Variants in CDYL observed in about 807,000 individuals in gnomAD.
The protein encoded by CDYL is chromodomain Y like.
A neutral mutation model predicts 47.3 loss-of-function variants in CDYL; 8 were observed. That is an observed-to-expected ratio of 0.17 (90% CI 0.10 to 0.31). The LOEUF (loss-of-function observed/expected upper bound fraction) is 0.31. CDYL is among the 10% of genes least tolerant of loss of function. The probability of loss-of-function intolerance (pLI) is 1.00; values close to 1 mark genes in which losing one functional copy is unlikely to be tolerated. For synonymous variants in CDYL, 266 were observed against 265.0 expected, an observed-to-expected ratio of 1.00 and a Z score of -0.04; for missense variants, 471 against 701.4, an observed-to-expected ratio of 0.67 and a Z score of 3.71.
intron 2 of CDYL, among the ~76,000 whole-genome samples, chr6:4,923,741 T>C (rs1402918477): frequency 6.6e-6 from 1 of 151,816 alleles, no homozygotes; most frequent in African/African-American, 2.4e-5. Flanking sequence ...CTAAAAAATA[T>C]TTAAAAAAAA....
chr6:4,825,990 T>C (rs1269448994), intron 1 of CDYL, among the ~76,000 whole-genome samples: 1 of 152,198 alleles, frequency 6.6e-6, no homozygotes, highest in African/African-American at 2.4e-5. Context: ...ACCAAAACCT[T>C]TGGCCTCAGA....
At chr6:4,770,072 C>T (rs111453940) in intron 3 of CDYL, among the ~76,000 whole-genome samples, 12 of 151,970 alleles carry the variant, frequency 7.9e-5, no homozygotes, top group South Asian at 4.2e-4. Flanking sequence ...CTCTTGACCT[C>T]GTGATCCACC....
At chr6:4,719,573 C>T (rs1757331829) in intron 2 of CDYL, among the ~76,000 whole-genome samples, 1 of 152,136 alleles carries the variant, frequency 6.6e-6, no homozygotes. Flanking sequence ...AAAATTATTA[C>T]TCATTTTCAT....
chr6:4,706,731 G>C (rs1473048646), intron 1 of CDYL, among the ~76,000 whole-genome samples: 1 of 152,186 alleles, frequency 6.6e-6, no homozygotes, highest in Non-Finnish European at 1.5e-5. Context: ...AGAGCCTGCA[G>C]TGAGTCGAGA....
At chr6:4,877,059 T>TG (rs1299722348) in intron 1 of CDYL, among the ~76,000 whole-genome samples, 1 of 152,238 alleles carries the variant, frequency 6.6e-6, no homozygotes, top group Non-Finnish European at 1.5e-5. Context: ...CGCCAGACAC[T>TG]GAATCTGCTG....
At chr6:4,937,454 C>T in intron 3 of CDYL, 111 bp from the exon 4 acceptor site, 1 of 783,476 alleles carries the variant, frequency 1.3e-6, no homozygotes, top group South Asian at 2.5e-5. Context: ...CTTGATTAAA[C>T]CACTGCACGC....
At chr6:4,834,375 T>C (rs1271510010) in intron 1 of CDYL, among the ~76,000 whole-genome samples, 1 of 149,298 alleles carries the variant, frequency 6.7e-6, no homozygotes. Context: ...TGAAAATTCT[T>C]TTCTTTAAGA....
chr6:4,823,689 A>G (rs1759902123), intron 1 of CDYL, among the ~76,000 whole-genome samples: 1 of 152,198 alleles, frequency 6.6e-6, no homozygotes, highest in African/African-American at 2.4e-5. Context: ...TGTATCTCCA[A>G]AACTTTTAAA....
At chr6:4,715,648 A>G (rs3812183) in intron 1 of CDYL, 470,354 of 1,244,262 alleles carry the variant, frequency 0.38, 91,097 homozygotes, top group African/African-American at 0.5. Flanking sequence ...CTCAGATTCA[A>G]TGTAGAACTG....
intron 1 of CDYL, among the ~76,000 whole-genome samples, chr6:4,875,469 G>T (rs573543144): frequency 5.3e-5 from 8 of 152,038 alleles, no homozygotes; most frequent in Non-Finnish European, 1.0e-4. Flanking sequence ...CAATTTATAG[G>T]TACTCTTTAA....
At chr6:4,871,987 C>G (rs149135263) in intron 1 of CDYL, among the ~76,000 whole-genome samples, 1 of 152,260 alleles carries the variant, frequency 6.6e-6, no homozygotes, top group African/African-American at 2.4e-5. Context: ...GGGTTTCTGA[C>G]CAGAGCTGTT....
intron 3 of CDYL, among the ~76,000 whole-genome samples, chr6:4,752,354 T>G (rs915302514): frequency 6.6e-6 from 1 of 152,174 alleles, no homozygotes; most frequent in African/African-American, 2.4e-5. Context: ...TCTTTAAAGC[T>G]GTAAGTCATT....
chr6:4,758,370 A>ATATATATATATC (rs140149693), intron 3 of CDYL, among the ~76,000 whole-genome samples: 42 of 137,808 alleles, frequency 3.0e-4, no homozygotes, highest in African/African-American at 1.0e-3. Flanking sequence ...ATATATATAT[A>ATATATATATATC]TCTCTTTGTG....
In CDYL at chr6:4,832,872, TTG is replaced by T. The variant is rs1162429017; in HGVS notation, c.24+56067_24+56068del. On this transcript the variant is annotated intron_variant, in intron 1 of 6. Transcript: ENST00000397588. ...TTCTAGTTTATTTGCGTAGAGGTGT[TTG>T]TAGTATTCTCTGATGGTAGTTTGTA... Among the ~76,000 whole-genome samples, 6 of 150,022 alleles carry T rather than the reference TTG, an allele frequency of 4.0e-5. No individual in the cohort carries two copies. The East Asian group carries it at 1.2e-3, about 30-fold the overall frequency.
intron 2 of CDYL, among the ~76,000 whole-genome samples, chr6:4,730,709 CT>C (rs1329515968): frequency 4.1e-5 from 6 of 147,992 alleles, no homozygotes; most frequent in African/African-American, 1.3e-4. Flanking sequence ...AAGAACATAC[CT>C]CTTTCAGCAT....
At chr6:4,911,294 T>A (rs1581257933) in intron 2 of CDYL, among the ~76,000 whole-genome samples, 1 of 152,216 alleles carries the variant, frequency 6.6e-6, no homozygotes, top group Non-Finnish European at 1.5e-5. Flanking sequence ...TGACTGCAGG[T>A]GGGCTGCAGA....
chr6:4,828,225 T>C (rs1760033502), intron 1 of CDYL, among the ~76,000 whole-genome samples: 1 of 149,514 alleles, frequency 6.7e-6, no homozygotes, highest in Admixed American at 6.7e-5. Flanking sequence ...TATAGGACTT[T>C]TAACAGGTTT....
intron 1 of CDYL, among the ~76,000 whole-genome samples, chr6:4,785,940 C>T (rs538625716): frequency 7.2e-5 from 11 of 152,280 alleles, no homozygotes; most frequent in African/African-American, 1.7e-4. Context: ...GCCAGTCCTG[C>T]GCCCCTTAGA....
chr6:4,715,877 C>A (rs1757247749), exon 2 of CDYL: 2 of 1,613,696 alleles, frequency 1.2e-6, no homozygotes, highest in East Asian at 4.5e-5. Context: ...TGAAGAGAAA[C>A]AACGGTAAGA....
Sources: allele counts gnomAD v4.1 joint callset (sites outside exome capture counted in the v4.1 genomes callset), GRCh38; gene constraint gnomAD v4.1.1; transcripts MANE v1.5; gene names NCBI Gene and HGNC (gene_info 2026-07-23, HGNC 2026-07-21).